Variants in EDAR observed in about 807,000 individuals in gnomAD.
EDAR encodes the protein tumor necrosis factor receptor superfamily member EDAR.
Under a neutral mutation model 51.3 loss-of-function variants are expected in EDAR, and 38 were observed. That is an observed-to-expected ratio of 0.74 (90% CI 0.57 to 0.97). EDAR has a LOEUF of 0.97. EDAR is among the 50% of genes least tolerant of loss of function. EDAR has a pLI of 0.00. For synonymous variants in EDAR, 227 were observed against 242.1 expected, an observed-to-expected ratio of 0.94 and a Z score of 0.58; for missense variants, 528 against 595.0, an observed-to-expected ratio of 0.89 and a Z score of 1.17.
In EDAR at chr2:108,930,172, G is replaced by A. The variant is rs368553609; in HGVS notation, c.122C>T (p.Thr41Met). The A allele has an allele frequency of 1.9e-5, 31 of 1,614,068 alleles. 1 individual carries two copies. Among genetic ancestry groups the A allele is most frequent in the South Asian group, 5.5e-5 (5 of 91,084 alleles). ...CGGGGGGCACTCCTGGCACAGCCCCGTAGTCTGGTTGTAGTACTCGTTCTC... is the reference window on the plus strand; with the variant it reads ...CGGGGGGCACTCCTGGCACAGCCCCATAGTCTGGTTGTAGTACTCGTTCTC... ...CGENEYYNQT[T>M]GLCQECPPCG... The change falls in exon 3 of 12, where the codon ACG becomes ATG. Residue 41 changes from threonine to methionine, a missense_variant. By Grantham distance (81) the Thr-to-Met change is moderately conservative. Transcript: ENST00000258443.
At chr2:108,941,155 G>A (rs1697586003) in intron 1 of EDAR, among the ~76,000 whole-genome samples, 1 of 152,172 alleles carries the variant, frequency 6.6e-6, no homozygotes, top group South Asian at 2.1e-4. Flanking sequence ...CTGCGTTGTG[G>A]GAATTAGGAC....
intron 1 of EDAR, among the ~76,000 whole-genome samples, chr2:108,934,586 T>C (rs1198546854): frequency 6.6e-6 from 1 of 152,162 alleles, no homozygotes; most frequent in African/African-American, 2.4e-5. Context: ...GGGTTCTGGT[T>C]CTGGGAAGTC....
intron 5 of EDAR, among the ~76,000 whole-genome samples, chr2:108,923,135 T>G (rs1457265903): frequency 6.6e-6 from 1 of 152,126 alleles, no homozygotes; most frequent in Non-Finnish European, 1.5e-5. Flanking sequence ...ACTTGTCAGG[T>G]AGCTGGTGGC....
chr2:108,935,256 G>T (rs1697444806), intron 1 of EDAR, among the ~76,000 whole-genome samples: 1 of 152,112 alleles, frequency 6.6e-6, no homozygotes, highest in Non-Finnish European at 1.5e-5. Flanking sequence ...ATCAGCTTAT[G>T]ACTACTGAGC....
chr2:108,982,635 G>A (rs1698437814), intron 1 of EDAR, among the ~76,000 whole-genome samples: 1 of 152,220 alleles, frequency 6.6e-6, no homozygotes, highest in Admixed American at 6.5e-5. Context: ...GCAAGTCAGA[G>A]TGCTGTGTGT....
intron 5 of EDAR, among the ~76,000 whole-genome samples, chr2:108,918,288 CTG>C (rs1271862874): frequency 6.6e-6 from 1 of 152,188 alleles, no homozygotes; most frequent in Non-Finnish European, 1.5e-5. Context: ...GGGTCTATGC[CTG>C]TCTACTGAGG....
chr2:108,956,437 C>T (rs1697927723), intron 1 of EDAR, among the ~76,000 whole-genome samples: 1 of 152,186 alleles, frequency 6.6e-6, no homozygotes, highest in African/African-American at 2.4e-5. Flanking sequence ...CACTCAAATC[C>T]CTCCATGTCC....
intron 4 of EDAR, among the ~76,000 whole-genome samples, chr2:108,925,774 C>T (rs964646142): frequency 9.9e-5 from 15 of 152,130 alleles, no homozygotes; most frequent in Non-Finnish European, 1.9e-4. Flanking sequence ...TGCACCACGA[C>T]GCCTGGCTAA....
chr2:108,914,260 C>CA (rs926812967), intron 5 of EDAR, among the ~76,000 whole-genome samples: 21 of 147,266 alleles, frequency 1.4e-4, no homozygotes, highest in East Asian at 4.0e-4. Flanking sequence ...AACTTTGTCT[C>CA]AAAAAAAAAT....
chr2:108,935,328 G>C (rs1697446147), intron 1 of EDAR, among the ~76,000 whole-genome samples: 1 of 152,146 alleles, frequency 6.6e-6, no homozygotes, highest in African/African-American at 2.4e-5. Context: ...GTTGCTCAAA[G>C]TGGGGCCCCT....
chr2:108,897,313 A>G (rs1696619054), intron 11 of EDAR, 84 bp from the exon 12 acceptor site: 1 of 1,350,106 alleles, frequency 7.4e-7, no homozygotes, highest in African/African-American at 1.5e-5. Flanking sequence ...AAATGAAATA[A>G]AAATTATTTG....
At chr2:108,925,416 T>G (rs772387715) in intron 4 of EDAR, among the ~76,000 whole-genome samples, 3 of 152,162 alleles carry the variant, frequency 2.0e-5, no homozygotes, top group Non-Finnish European at 4.4e-5. Context: ...AACACCCGGC[T>G]TTATGATGGG....
At chr2:108,908,122 G>C (rs565261751) in intron 9 of EDAR, 103 bp from the exon 10 acceptor site, 1 of 1,319,070 alleles carries the variant, frequency 7.6e-7, no homozygotes, top group South Asian at 1.5e-5. Flanking sequence ...GTGGACAGTG[G>C]GGGGCAATGA....
rs375033259 is a variant in EDAR at position 108,949,925 on chromosome 2, C to T, written c.-18-18893G>A. 2.0e-5 allele frequency among the ~76,000 whole-genome samples: 3 copies of T among 152,204 alleles called. No homozygotes were observed. In the East Asian group the frequency reaches 5.8e-4, roughly 29 times the overall value. ...TCTATGAGCTCATGGAGGCCAATGC[C>T]CTCATTTCCTGAGGTTTTTGAAATA... On this transcript the variant is annotated intron_variant, in intron 1 of 11. Transcript: ENST00000258443.
rs1696848033 is a variant in EDAR at position 108,908,136 on chromosome 2, G to A, written c.804-117C>T. ...TGTGGACAGTGGGGGGCAATGACTT[G>A]TTTTTCAGGTGTTTACTGGGCACCT... On this transcript the variant is annotated intron_variant, in intron 9 of 11. Transcript: ENST00000258443. 2.3e-5 allele frequency: 28 copies of A among 1,202,518 alleles called. No individual in the cohort carries two copies. In the South Asian group the frequency reaches 4.2e-4, roughly 18 times the overall value. 74.5% of individuals were successfully genotyped at this position (1,202,518 alleles called of 1,614,324 possible). A position where few individuals can be genotyped will look rare whatever the true frequency, so the allele number is the denominator to read the frequency against.
chr2:108,906,319 C>T lies in EDAR; in HGVS notation c.1013G>A (p.Gly338Glu), dbSNP rs867752310. ...KILDVYANVCGVVEGLSPTEL... is the reference protein window; with the variant it reads ...KILDVYANVCEVVEGLSPTEL... ...TTTTTTCAGCTTACCTTCCACGACT[C>T]CACACACGTTGGCATACACATCGAG... is the stretch of plus-strand genomic sequence containing the variant. Residue 338 changes from glycine to glutamate, a missense_variant, in exon 11 of 12, where the codon GGA (glycine) becomes GAA (glutamate). Transcript: ENST00000258443. 2 of 1,614,208 alleles carry T rather than the reference C, an allele frequency of 1.2e-6. No individual in the cohort carries two copies. Among genetic ancestry groups the T allele is most frequent in the Non-Finnish European group, 1.7e-6 (2 of 1,180,028 alleles).
In EDAR at chr2:108,932,876, A is replaced by C. The variant is rs571496928; in HGVS notation, c.-18-1844T>G. On this transcript the variant is annotated intron_variant, in intron 1 of 11. Coordinates refer to ENST00000258443, the MANE Select transcript of EDAR (RefSeq NM_022336.4). The stretch of plus-strand genomic sequence containing the variant: ...GGCTGCTGCTTAACTTGTGGAACTA[A>C]TCAGTTAACTGGCTGCTAGGGAGCT... 2.0e-5 allele frequency among the ~76,000 whole-genome samples: 3 copies of C among 152,344 alleles called. No homozygotes were observed. The South Asian group carries it at 6.2e-4, about 32-fold the overall frequency.
chr2:108,918,688 A>G (rs1303078897), intron 5 of EDAR, among the ~76,000 whole-genome samples: 3 of 152,206 alleles, frequency 2.0e-5, no homozygotes, highest in Non-Finnish European at 4.4e-5. Flanking sequence ...AGGAATGCTC[A>G]GTGAGCCAGA....
intron 4 of EDAR, among the ~76,000 whole-genome samples, chr2:108,924,178 G>A (rs1574381810): frequency 6.6e-6 from 1 of 152,364 alleles, no homozygotes; most frequent in Middle Eastern, 3.4e-3. Context: ...TCAGCTCCCA[G>A]TGATGTTCCA....
Sources: gnomAD v4.1 joint callset for allele counts (sites outside exome capture counted in the v4.1 genomes callset) on GRCh38, gnomAD v4.1.1 for gene constraint, MANE v1.5 for transcripts, NCBI Gene and HGNC (gene_info 2026-07-23, HGNC 2026-07-21) for gene names.